Variants in PMEPA1 observed in about 807,000 individuals in gnomAD.
PMEPA1 encodes the protein protein TMEPAI.
Under a neutral mutation model 23.0 loss-of-function variants are expected in PMEPA1, and 11 were observed. The ratio of observed to expected loss-of-function variants is 0.48; its 90% confidence interval spans 0.30 to 0.79. The LOEUF (loss-of-function observed/expected upper bound fraction) is 0.79. Among genes scored for constraint, PMEPA1 ranks in the 30% least tolerant of loss-of-function variants. The probability of loss-of-function intolerance (pLI) is 0.06; values close to 1 mark genes in which losing one functional copy is unlikely to be tolerated. For missense variants in PMEPA1, 377 were observed against 390.9 expected, an observed-to-expected ratio of 0.96 and a Z score of 0.30; for synonymous variants, 204 against 166.4, an observed-to-expected ratio of 1.23 and a Z score of -1.74.
At chr20:57,672,836 C>T (rs1159210731) in intron 1 of PMEPA1, among the ~76,000 whole-genome samples, 5 of 152,174 alleles carry the variant, frequency 3.3e-5, no homozygotes, top group African/African-American at 9.7e-5. Context: ...CTGGATCCAA[C>T]CCCCAGCTCT....
rs1039581888 is a variant in PMEPA1 at position 57,704,866 on chromosome 20, T to C, written c.109+4608A>G. Among the ~76,000 whole-genome samples, 6 of 152,192 alleles carry C rather than the reference T, an allele frequency of 3.9e-5. No homozygotes were observed. The highest frequency in any genetic ancestry group is 1.4e-4 in the African/African-American group (6 of 41,460). ...AGCATGGAGGCTTCCTTGGGGCTCCTGAGGGAGGCAACTCTGCTGTAGACG... is the reference window on the plus strand; with the variant it reads ...AGCATGGAGGCTTCCTTGGGGCTCCCGAGGGAGGCAACTCTGCTGTAGACG... On this transcript the variant is annotated intron_variant, in intron 1 of 3. Coordinates refer to ENST00000341744, the MANE Select transcript of PMEPA1 (RefSeq NM_020182.5). The surrounding 1 kb of genome is among the most constrained non-coding windows in gnomAD (Gnocchi z 4.6).
upstream of PMEPA1, chr20:57,710,038 G>A (rs569311260): frequency 1.2e-5 from 12 of 999,996 alleles, no homozygotes; most frequent in Middle Eastern, 5.0e-4. Context: ...CGGGGCTGCC[G>A]GTTCCCACCG....
At chr20:57,688,247 G>A (rs887927774) in intron 1 of PMEPA1, among the ~76,000 whole-genome samples, 4 of 152,342 alleles carry the variant, frequency 2.6e-5, no homozygotes, top group Admixed American at 2.6e-4. Flanking sequence ...GAGTAATTAT[G>A]CAGGGAGCAA....
chr20:57,710,474 C>T, upstream of PMEPA1: 1 of 1,608,254 alleles, frequency 6.2e-7, no homozygotes, highest in South Asian at 1.1e-5. Flanking sequence ...TGCCTGGTTT[C>T]GCAGGAGACT....
At chr20:57,673,662 A>G (rs1295401398) in intron 1 of PMEPA1, among the ~76,000 whole-genome samples, 1 of 152,196 alleles carries the variant, frequency 6.6e-6, no homozygotes, top group Non-Finnish European at 1.5e-5. Context: ...ACTCCCAGCT[A>G]CAAGGAAAAG....
chr20:57,708,295 G>A (rs2072115544), intron 1 of PMEPA1, among the ~76,000 whole-genome samples: 1 of 152,216 alleles, frequency 6.6e-6, no homozygotes, highest in African/African-American at 2.4e-5. Flanking sequence ...GCTTCTTCAG[G>A]GTGGGGATGG....
At position 57,652,086 on chromosome 20, in the gene PMEPA1, T is replaced by C. The variant is rs138355480; in HGVS notation, c.831A>G (p.Lys277=). ...APLESAAIWS[K]EKDKQKGHPL ...GGTGTCCTTTCTGTTTATCCTTCTCTTTGCTCCAGATGGCTGCGCTCTCTA... is the reference window on the plus strand; with the variant it reads ...GGTGTCCTTTCTGTTTATCCTTCTCCTTGCTCCAGATGGCTGCGCTCTCTA... The change falls in exon 4 of 4, where the codon AAA becomes AAG. Residue 277 remains lysine, a synonymous_variant. Coordinates refer to ENST00000341744, the MANE Select transcript of PMEPA1 (RefSeq NM_020182.5). The surrounding 1 kb of genome is among the most constrained non-coding windows in gnomAD (Gnocchi z 6.1). 1.3e-6 allele frequency: 2 copies of C among 1,540,376 alleles called. No homozygotes were observed. The highest frequency in any genetic ancestry group is 1.8e-6 in the Non-Finnish European group (2 of 1,139,744).
At chr20:57,685,971 G>A (rs1201438293) in intron 1 of PMEPA1, among the ~76,000 whole-genome samples, 2 of 152,072 alleles carry the variant, frequency 1.3e-5, no homozygotes, top group East Asian at 1.9e-4. Context: ...TCCCTTCCCA[G>A]GAAAGAAAGA....
intron 1 of PMEPA1, among the ~76,000 whole-genome samples, chr20:57,697,879 T>A (rs921120482): frequency 1.3e-5 from 2 of 152,208 alleles, no homozygotes; most frequent in Admixed American, 6.5e-5. Context: ...ATGTGTAAGT[T>A]CACACAGTTT....
intron 1 of PMEPA1, among the ~76,000 whole-genome samples, chr20:57,709,043 G>A (rs923125800): frequency 3.9e-5 from 6 of 151,914 alleles, no homozygotes; most frequent in African/African-American, 1.4e-4. Context: ...ACACACGCCC[G>A]GAGCCCCAGA....
intron 1 of PMEPA1, among the ~76,000 whole-genome samples, chr20:57,688,164 G>A (rs552792358): frequency 2.0e-5 from 3 of 152,328 alleles, no homozygotes; most frequent in Non-Finnish European, 4.4e-5. Context: ...GCACCTGGGT[G>A]TTTCTCCCCA....
chr20:57,677,247 C>T (rs2071649681), intron 1 of PMEPA1, among the ~76,000 whole-genome samples: 2 of 152,178 alleles, frequency 1.3e-5, no homozygotes, highest in South Asian at 2.1e-4. Context: ...GTCTCCACTT[C>T]CTTGTCTGTA....
chr20:57,659,166 T>C (rs3795117), intron 2 of PMEPA1, among the ~76,000 whole-genome samples: 43,335 of 151,910 alleles, frequency 0.29, 7,559 homozygotes, highest in African/African-American at 0.49. Context: ...CTATCACCAC[T>C]GGGCGTCTCA....
rs1172062599 is a variant in PMEPA1 at position 57,653,023 on chromosome 20, G to A, written c.318+10C>T. 1.9e-6 allele frequency: 3 copies of A among 1,591,596 alleles called. No homozygotes were observed. Among genetic ancestry groups the A allele is most frequent in the African/African-American group, 1.3e-5 (1 of 74,596 alleles). Reference sequence around the variant, plus strand: ...GGGGGTGTTGGAGGGGAGGCCGAGGGAGGTCTCACCTCTGGGATTCCGTTG... The same window carrying A: ...GGGGGTGTTGGAGGGGAGGCCGAGGAAGGTCTCACCTCTGGGATTCCGTTG... On this transcript the variant is annotated intron_variant, in intron 3 of 3. Transcript: ENST00000341744.
At chr20:57,688,103 G>A (rs1568979999) in intron 1 of PMEPA1, among the ~76,000 whole-genome samples, 5 of 152,112 alleles carry the variant, frequency 3.3e-5, no homozygotes, top group Admixed American at 3.3e-4. Context: ...CCTCCGCCTC[G>A]GGACGGCCTC....
At chr20:57,709,003 G>A (rs2072126270) in intron 1 of PMEPA1, among the ~76,000 whole-genome samples, 1 of 151,868 alleles carries the variant, frequency 6.6e-6, no homozygotes, top group South Asian at 2.1e-4. Flanking sequence ...TCCACTCAGA[G>A]CCCGAGACAC....
intron 1 of PMEPA1, among the ~76,000 whole-genome samples, chr20:57,696,688 A>G (rs980491251): frequency 3.9e-5 from 6 of 152,152 alleles, no homozygotes; most frequent in African/African-American, 1.2e-4. Flanking sequence ...TGCCTCCCAG[A>G]TTCTCCCCTT....
chr20:57,664,510 C>T (rs2071466434), intron 1 of PMEPA1, among the ~76,000 whole-genome samples: 1 of 151,900 alleles, frequency 6.6e-6, no homozygotes, highest in African/African-American at 2.4e-5. Flanking sequence ...TGAAGCGGCA[C>T]CAATATAAAC....
At chr20:57,703,006 G>A (rs893069257) in intron 1 of PMEPA1, among the ~76,000 whole-genome samples, 10 of 152,168 alleles carry the variant, frequency 6.6e-5, no homozygotes, top group African/African-American at 1.7e-4. Flanking sequence ...GATTTTTCCC[G>A]GTTTGGTGAC....
Sources: gnomAD v4.1 joint callset for allele counts (sites outside exome capture counted in the v4.1 genomes callset) on GRCh38, gnomAD v4.1.1 for gene constraint, Gnocchi (gnomAD v3.1) non-coding constraint, MANE v1.5 for transcripts, NCBI Gene and HGNC (gene_info 2026-07-23, HGNC 2026-07-21) for gene names.